The following SORCS2 variants were observed in gnomAD, a reference collection of about 807,000 sequenced individuals.
The protein encoded by SORCS2 is sortilin related VPS10 domain containing receptor 2, also known as VPS10 domain-containing receptor SorCS2.
In SORCS2, 100 loss-of-function variants were observed where a neutral mutation model predicts 141.6. That is an observed-to-expected ratio of 0.71 (90% CI 0.60 to 0.83). SORCS2 has a LOEUF of 0.83. Among genes scored for constraint, SORCS2 ranks in the 40% least tolerant of loss-of-function variants. The probability of loss-of-function intolerance (pLI) is 0.00; values close to 1 mark genes in which losing one functional copy is unlikely to be tolerated. For synonymous variants in SORCS2, 789 were observed against 676.9 expected (o/e 1.17, Z -2.57); for missense variants, 1,646 against 1,560.2 (o/e 1.05, Z -0.93).
chr4:7,693,603 CAG>C (rs1295845822), intron 11 of SORCS2, among the ~76,000 whole-genome samples: 1 of 152,246 alleles, frequency 6.6e-6, no homozygotes, highest in Non-Finnish European at 1.5e-5. Context: ...GGATCCAACA[CAG>C]AGCAGAGGCC....
intron 1 of SORCS2, among the ~76,000 whole-genome samples, chr4:7,198,210 C>T (rs1436423329): frequency 2.0e-5 from 3 of 152,226 alleles, no homozygotes; most frequent in Admixed American, 1.3e-4. Context: ...GACGTGGCTG[C>T]CCCGGCTCTG....
chr4:7,273,802 C>T (rs965411446), intron 1 of SORCS2, among the ~76,000 whole-genome samples: 27 of 152,204 alleles, frequency 1.8e-4, no homozygotes, highest in Non-Finnish European at 2.9e-4. Context: ...CTCAGTGTGC[C>T]CAGCTGGGAA....
intron 14 of SORCS2, among the ~76,000 whole-genome samples, chr4:7,710,468 G>T (rs777289974): frequency 3.6e-4 from 55 of 152,240 alleles, no homozygotes; most frequent in Non-Finnish European, 6.6e-4. Flanking sequence ...ACAGGAGAGT[G>T]TGAGGATGCT....
At chr4:7,338,746 A>G (rs1253179357) in intron 1 of SORCS2, among the ~76,000 whole-genome samples, 2 of 152,244 alleles carry the variant, frequency 1.3e-5, no homozygotes, top group Non-Finnish European at 1.5e-5. Context: ...TGGTGCCTCC[A>G]TCACAGTTGG....
chr4:7,517,983 A>G (rs1008010575), intron 2 of SORCS2, among the ~76,000 whole-genome samples: 7 of 152,252 alleles, frequency 4.6e-5, no homozygotes, highest in African/African-American at 1.7e-4. Flanking sequence ...CAGGCAGAAC[A>G]TGCTGAGTAT....
intron 3 of SORCS2, among the ~76,000 whole-genome samples, chr4:7,608,915 C>T (rs1461204376): frequency 6.6e-6 from 1 of 152,124 alleles, no homozygotes; most frequent in Non-Finnish European, 1.5e-5. Context: ...GTGAACACAC[C>T]AGGGCCAGCA....
At chr4:7,227,012 C>T (rs751419704) in intron 1 of SORCS2, among the ~76,000 whole-genome samples, 2 of 152,228 alleles carry the variant, frequency 1.3e-5, no homozygotes, top group Non-Finnish European at 2.9e-5. Context: ...GACCAGCACC[C>T]CTCACATTTC....
chr4:7,702,541 G>T (rs1325608968), intron 12 of SORCS2, among the ~76,000 whole-genome samples: 1 of 152,084 alleles, frequency 6.6e-6, no homozygotes, highest in South Asian at 2.1e-4. Context: ...GCCACCCTCA[G>T]TGTCCCCTCC....
intron 2 of SORCS2, among the ~76,000 whole-genome samples, chr4:7,525,829 TCAGTCACCTGGGC>T (rs1733643554): frequency 1.5e-5 from 1 of 66,138 alleles, no homozygotes; most frequent in Non-Finnish European, 3.0e-5. Context: ...ACCTGTCCCC[TCAGTCACCTGGGC>T]CCTCCTGCAG....
rs59887001 is a variant in SORCS2, at chr4:7,576,093, G to A, written c.648+44464G>A. On this transcript the variant is annotated intron_variant, in intron 3 of 26. Coordinates refer to ENST00000507866, the MANE Select transcript of SORCS2 (RefSeq NM_020777.3). ...GCTGTGTGTGTGAGGACGAGGAAGA[G>A]CTCCAATGGCAGAGTGTTCTTAGAA... Among the ~76,000 whole-genome samples the A allele has an allele frequency of 6.4e-3, 975 of 152,360 alleles. 13 individuals carry two copies. The highest frequency in any genetic ancestry group is 0.022 in the African/African-American group (934 of 41,578).
chr4:7,552,251 G>A (rs941232498), intron 3 of SORCS2, among the ~76,000 whole-genome samples: 5 of 152,150 alleles, frequency 3.3e-5, no homozygotes, highest in African/African-American at 1.2e-4. Flanking sequence ...CCTTGGCTGT[G>A]GTATCTTTGG....
chr4:7,644,757 CT>C (rs1407862263), intron 4 of SORCS2, among the ~76,000 whole-genome samples: 1 of 152,216 alleles, frequency 6.6e-6, no homozygotes, highest in African/African-American at 2.4e-5. Context: ...TTCACTCTGA[CT>C]TTTTATCTTC....
chr4:7,264,082 TAG>T (rs1041670471), intron 1 of SORCS2, among the ~76,000 whole-genome samples: 3 of 151,892 alleles, frequency 2.0e-5, no homozygotes, highest in Non-Finnish European at 2.9e-5. Flanking sequence ...AGCAGAGAAG[TAG>T]AGAGACAGTG....
chr4:7,346,834 A>C (rs1296723179), intron 1 of SORCS2, among the ~76,000 whole-genome samples: 1 of 152,232 alleles, frequency 6.6e-6, no homozygotes, highest in Non-Finnish European at 1.5e-5. Context: ...AGTTTCTTCT[A>C]CCATGAGTTC....
intron 3 of SORCS2, among the ~76,000 whole-genome samples, chr4:7,636,999 T>TCTCTGC: frequency 6.6e-6 from 1 of 152,036 alleles, no homozygotes; most frequent in Non-Finnish European, 1.5e-5. Flanking sequence ...GTGTCCCCTG[T>TCTCTGC]CTCTGCCTCT....
chr4:7,424,185 AG>A (rs1459910202), intron 2 of SORCS2, among the ~76,000 whole-genome samples: 1 of 152,204 alleles, frequency 6.6e-6, no homozygotes, highest in Non-Finnish European at 1.5e-5. Context: ...GGCTTGGCCC[AG>A]CGAGGGGACT....
chr4:7,419,572 A>G (rs1052051501), intron 2 of SORCS2, among the ~76,000 whole-genome samples: 3 of 152,200 alleles, frequency 2.0e-5, no homozygotes, highest in Admixed American at 2.0e-4. Context: ...AGAGCCCATA[A>G]TCTCTCGAGT....
At chr4:7,523,915 C>T (rs1168899039) in intron 2 of SORCS2, among the ~76,000 whole-genome samples, 1 of 152,222 alleles carries the variant, frequency 6.6e-6, no homozygotes. Flanking sequence ...CTGGGGCTTC[C>T]CACTGGCCTC....
At chr4:7,373,476 ATATTTTTTTTTT>A (rs1225492930) in intron 1 of SORCS2, among the ~76,000 whole-genome samples, 8 of 44,582 alleles carry the variant, frequency 1.8e-4, no homozygotes, top group Middle Eastern at 9.1e-3. Context: ...ATATATATAT[ATATTTTTTTTTT>A]TTTTTTTTTT....
Sources: gnomAD v4.1 joint callset for allele counts (sites outside exome capture counted in the v4.1 genomes callset) on GRCh38, gnomAD v4.1.1 for gene constraint, MANE v1.5 for transcripts, NCBI Gene and HGNC (gene_info 2026-07-23, HGNC 2026-07-21) for gene names.